The following RBFOX1 variants were observed in gnomAD, a reference collection of about 807,000 sequenced individuals.
The protein encoded by RBFOX1 is RNA binding protein fox-1 homolog 1.
In RBFOX1, 8 loss-of-function variants were observed where a neutral mutation model predicts 57.7. That is an observed-to-expected ratio of 0.14 (90% CI 0.08 to 0.25). The LOEUF (loss-of-function observed/expected upper bound fraction) is 0.25. Among genes scored for constraint, RBFOX1 ranks in the 10% least tolerant of loss-of-function variants. The pLI is 1.00. For synonymous variants in RBFOX1, 326 were observed against 222.4 expected (o/e 1.47, Z -4.15); for missense variants, 611 against 548.5 (o/e 1.11, Z -1.14).
intron 4 of RBFOX1, among the ~76,000 whole-genome samples, chr16:5,944,161 A>G (rs1158203602): frequency 6.6e-6 from 1 of 152,226 alleles, no homozygotes; most frequent in Non-Finnish European, 1.5e-5. Context: ...CAAGATGGCC[A>G]TTGATCTAAT....
At chr16:6,498,127 C>A (rs903744279) in intron 2 of RBFOX1, among the ~76,000 whole-genome samples, 4 of 151,838 alleles carry the variant, frequency 2.6e-5, no homozygotes, top group East Asian at 2.0e-4. Flanking sequence ...TGGTACGTGC[C>A]TGTAGTCCCA....
At chr16:6,852,795 TA>T (rs2094139955) in intron 3 of RBFOX1, among the ~76,000 whole-genome samples, 1 of 151,658 alleles carries the variant, frequency 6.6e-6, no homozygotes, top group South Asian at 2.1e-4. Flanking sequence ...TGCTGGGAAC[TA>T]GCTGTCCAGG....
Position 6,051,431 on chromosome 16 carries a change from G to A in RBFOX1, c.-127+31439G>A, listed in dbSNP as rs373258479. On this transcript the variant is annotated intron_variant, in intron 1 of 15. Transcript: ENST00000550418. ...CAACCTCTGCCTCCTGGGTTCAAGC[G>A]ATTCTCATGCCTCCACCTTACAAGT... 2.8e-4 allele frequency among the ~76,000 whole-genome samples: 42 copies of A among 152,068 alleles called. 1 individual carries two copies. The South Asian group carries it at 7.1e-3, about 26-fold the overall frequency.
At chr16:5,844,797 T>C (rs1406018032) in intron 3 of RBFOX1, among the ~76,000 whole-genome samples, 3 of 152,196 alleles carry the variant, frequency 2.0e-5, no homozygotes, top group Admixed American at 6.5e-5. Context: ...AGAACTATCA[T>C]TGTCAGGAGC....
chr16:7,698,183 GGTGT>G lies in RBFOX1; in HGVS notation c.996-10844_996-10841del, dbSNP rs59239865. Among the ~76,000 whole-genome samples the G allele has an allele frequency of 6.5e-3, 886 of 136,198 alleles. 10 individuals are homozygous for G. The highest frequency in any genetic ancestry group is 0.02 in the African/African-American group (734 of 37,454). The allele number at this position is 136,198 out of a possible 152,430, so 89.4% of individuals were successfully genotyped here. On this transcript the variant is annotated intron_variant, in intron 14 of 15. Coordinates refer to ENST00000550418, the MANE Select transcript of RBFOX1 (RefSeq NM_018723.4). ...TTGTTTTAGACACAGAGTCCAAGAG[GGTGT>G]GTGTGTGTGTGTGTGTGTGTGTGTG... is the stretch of plus-strand genomic sequence containing the variant.
intron 3 of RBFOX1, among the ~76,000 whole-genome samples, chr16:6,801,006 A>G (rs2085308426): frequency 6.6e-6 from 1 of 152,140 alleles, no homozygotes; most frequent in East Asian, 1.9e-4. Flanking sequence ...CAATAAATGA[A>G]AAAGTGAGAA....
At chr16:7,577,264 A>C (rs1489066249) in intron 5 of RBFOX1, among the ~76,000 whole-genome samples, 2 of 152,148 alleles carry the variant, frequency 1.3e-5, no homozygotes. Flanking sequence ...TGCTCTTAGG[A>C]TGAAGCTCAG....
At chr16:6,491,455 T>A (rs8046734) in intron 2 of RBFOX1, among the ~76,000 whole-genome samples, 49,507 of 152,018 alleles carry the variant, frequency 0.33, 8,678 homozygotes, top group Non-Finnish European at 0.4. Flanking sequence ...TCTAAACATA[T>A]AGAAGTTACA....
At chr16:7,710,326 T>C in intron 15 of RBFOX1, 4 of 1,227,872 alleles carry the variant, frequency 3.3e-6, no homozygotes, top group Middle Eastern at 3.2e-4. Flanking sequence ...GATTATTCTG[T>C]TATAAAAAAA....
intron 4 of RBFOX1, among the ~76,000 whole-genome samples, chr16:7,218,958 C>T (rs530853701): frequency 6.6e-6 from 1 of 152,148 alleles, no homozygotes; most frequent in African/African-American, 2.4e-5. Context: ...CCTAGCAGAG[C>T]TGATATTGCT....
intron 2 of RBFOX1, among the ~76,000 whole-genome samples, chr16:6,389,072 C>G (rs1020187232): frequency 6.6e-6 from 1 of 152,174 alleles, no homozygotes; most frequent in Admixed American, 6.5e-5. Flanking sequence ...TTTCACCCAG[C>G]TTGGCTTTGC....
chr16:6,115,467 C>T (rs1045886858), intron 1 of RBFOX1, among the ~76,000 whole-genome samples: 3 of 152,064 alleles, frequency 2.0e-5, no homozygotes, highest in Non-Finnish European at 2.9e-5. Context: ...CAGAGTAGCC[C>T]TTTAATAGAT....
chr16:6,692,887 C>G (rs560178019), intron 3 of RBFOX1, among the ~76,000 whole-genome samples: 2 of 151,376 alleles, frequency 1.3e-5, no homozygotes, highest in African/African-American at 4.9e-5. Flanking sequence ...ATTACTATCA[C>G]CACCATCATT....
Position 6,848,176 on chromosome 16 carries a change from CAGCCTCCTTGTGGGGTGATACAGCA to C in RBFOX1, c.-16+193529_-16+193553del, listed in dbSNP as rs886426866. 2.6e-5 allele frequency among the ~76,000 whole-genome samples: 4 copies of C among 152,042 alleles called. No individual in the cohort carries two copies. The East Asian group carries it at 7.8e-4, about 30-fold the overall frequency. ...TGTTACCCCACAAGGAGGCTGATCA[CAGCCTCCTTGTGGGGTGATACAGCA>C]AGTGGCGACACCATGGTGAGCTCGG... On this transcript the variant is annotated intron_variant, in intron 3 of 15. Coordinates refer to ENST00000550418, the MANE Select transcript of RBFOX1 (RefSeq NM_018723.4).
chr16:5,811,622 T>C (rs2055435433), intron 3 of RBFOX1, among the ~76,000 whole-genome samples: 1 of 152,046 alleles, frequency 6.6e-6, no homozygotes. Context: ...AGCTAATTTT[T>C]GTAATTTTAG....
chr16:6,694,632 C>T (rs183699344), intron 3 of RBFOX1, among the ~76,000 whole-genome samples: 1 of 152,286 alleles, frequency 6.6e-6, no homozygotes, highest in East Asian at 1.9e-4. Flanking sequence ...CTGCCTTACA[C>T]TGTGTTGGTC....
At chr16:7,281,789 C>T (rs1242633283) in intron 4 of RBFOX1, among the ~76,000 whole-genome samples, 1 of 152,126 alleles carries the variant, frequency 6.6e-6, no homozygotes, top group East Asian at 1.9e-4. Context: ...ATCTTGACTT[C>T]CTCTCTGCAG....
At chr16:6,895,446 G>GTATATATATATA (rs1439276748) in intron 3 of RBFOX1, among the ~76,000 whole-genome samples, 1 of 57,096 alleles carries the variant, frequency 1.8e-5, no homozygotes, top group Non-Finnish European at 3.3e-5. Flanking sequence ...GTGTGTGTGT[G>GTATATATATATA]TGTATATATA....
chr16:6,481,314 T>A (rs2095367876), intron 2 of RBFOX1, among the ~76,000 whole-genome samples: 1 of 152,238 alleles, frequency 6.6e-6, no homozygotes, highest in African/African-American at 2.4e-5. Flanking sequence ...TGGTTTTAAC[T>A]GTTTGCTGTG....
Sources: gnomAD v4.1 joint callset for allele counts (sites outside exome capture counted in the v4.1 genomes callset) on GRCh38, gnomAD v4.1.1 for gene constraint, MANE v1.5 for transcripts, NCBI Gene and HGNC (gene_info 2026-07-23, HGNC 2026-07-21) for gene names.